Variants in SLC6A6 observed in about 807,000 individuals in gnomAD.
The protein encoded by SLC6A6 is sodium- and chloride-dependent taurine transporter.
In SLC6A6, 16 loss-of-function variants were observed where a neutral mutation model predicts 68.8. The ratio of observed to expected loss-of-function variants is 0.23; its 90% CI spans 0.16 to 0.35. The LOEUF is 0.35. SLC6A6 is among the 10% of genes least tolerant of loss of function. The pLI is 1.00. For missense variants in SLC6A6, 474 were observed against 802.8 expected (o/e 0.59, Z 4.95); for synonymous variants, 312 against 315.4 (o/e 0.99, Z 0.12).
In SLC6A6 at chr3:14,409,596, G is replaced by A. The variant is rs577727649; in HGVS notation, c.-54+6749G>A. Among the ~76,000 whole-genome samples the A allele has an allele frequency of 3.3e-5, 5 of 152,320 alleles. No homozygotes were observed. In the South Asian group the frequency reaches 8.3e-4, roughly 25 times the overall value. ...GAGTGCCTACTGTGTGCCAGGCACA[G>A]GGCCAGGGCCAAGAGGGCAGGGAGG... On this transcript the variant is annotated intron_variant, in intron 1 of 14. Transcript: ENST00000622186.
chr3:14,457,050 A>G (rs1430054041), intron 5 of SLC6A6, among the ~76,000 whole-genome samples: 1 of 152,216 alleles, frequency 6.6e-6, no homozygotes, highest in Non-Finnish European at 1.5e-5. Context: ...AGTACCCTGC[A>G]TCGCCCTGGC....
rs1005600919 is a variant in SLC6A6, at chr3:14,440,116, G to T, written c.-11-3508G>T. ...GAGTGTGTGCCACATCTTGTTCTAA[G>T]CACCTCCTGTGCACCCCCCCTCATT... On this transcript the variant is annotated intron_variant, in intron 2 of 14. Coordinates refer to ENST00000622186, the MANE Select transcript of SLC6A6 (RefSeq NM_003043.6). 1.2e-4 allele frequency among the ~76,000 whole-genome samples: 18 copies of T among 152,226 alleles called. 1 individual carries two copies. Among genetic ancestry groups the T allele is most frequent in the Middle Eastern group, 3.4e-3 (1 of 294 alleles).
intron 5 of SLC6A6, among the ~76,000 whole-genome samples, chr3:14,456,332 T>C (rs1700366909): frequency 6.6e-6 from 1 of 152,202 alleles, no homozygotes; most frequent in South Asian, 2.1e-4. Context: ...TGGCTGTTAG[T>C]GGGAGTATTT....
intron 2 of SLC6A6, among the ~76,000 whole-genome samples, chr3:14,423,264 A>C (rs1005663768): frequency 3.3e-5 from 5 of 152,178 alleles, no homozygotes; most frequent in Non-Finnish European, 2.9e-5. Flanking sequence ...TGTCCAGGGG[A>C]GGGAGCCCTG....
At chr3:14,412,799 G>C (rs1174308874) in intron 1 of SLC6A6, among the ~76,000 whole-genome samples, 1 of 152,234 alleles carries the variant, frequency 6.6e-6, no homozygotes, top group Non-Finnish European at 1.5e-5. Context: ...CAGATCCTGT[G>C]CTTCGTCAAC....
intron 13 of SLC6A6, among the ~76,000 whole-genome samples, chr3:14,479,802 G>A (rs1700967139): frequency 6.6e-6 from 1 of 152,212 alleles, no homozygotes; most frequent in Non-Finnish European, 1.5e-5. Flanking sequence ...CATGCAGTCT[G>A]CTTCATGGTC....
chr3:14,405,835 G>A (rs1250164573), intron 1 of SLC6A6, among the ~76,000 whole-genome samples: 2 of 152,212 alleles, frequency 1.3e-5, no homozygotes, highest in African/African-American at 4.8e-5. Context: ...AAGGTAGAGT[G>A]TTGGCTTTCT....
At chr3:14,427,753 G>C (rs1309837652) in intron 2 of SLC6A6, among the ~76,000 whole-genome samples, 1 of 152,182 alleles carries the variant, frequency 6.6e-6, no homozygotes, top group Admixed American at 6.5e-5. Context: ...GAGAGAAGCT[G>C]CCTGGCCACC....
At chr3:14,474,590 C>T (rs1700830610) in intron 10 of SLC6A6, among the ~76,000 whole-genome samples, 1 of 152,218 alleles carries the variant, frequency 6.6e-6, no homozygotes, top group African/African-American at 2.4e-5. Context: ...CCTTAAGCTG[C>T]AGTGTTGCAA....
intron 1 of SLC6A6, among the ~76,000 whole-genome samples, chr3:14,411,949 G>C (rs529699605): frequency 6.6e-6 from 1 of 152,306 alleles, no homozygotes; most frequent in South Asian, 2.1e-4. Flanking sequence ...AAAATCAAAG[G>C]CCCTGCATCA....
At chr3:14,445,033 G>A (rs936566768) in intron 3 of SLC6A6, among the ~76,000 whole-genome samples, 3 of 141,422 alleles carry the variant, frequency 2.1e-5, no homozygotes, top group African/African-American at 8.5e-5. Context: ...CCCCAACAAA[G>A]AGGCGACGTG....
Position 14,438,258 on chromosome 3 carries a change from A to G in SLC6A6, c.-11-5366A>G, listed in dbSNP as rs181451602. ...AGCTACTATTTATTGATCAATTGGT[A>G]TGTGCTGGGCTGTGTGCTGAATAAC... On this transcript the variant is annotated intron_variant, in intron 2 of 14. Coordinates refer to ENST00000622186, the MANE Select transcript of SLC6A6 (RefSeq NM_003043.6). 2.3e-4 allele frequency among the ~76,000 whole-genome samples: 35 copies of G among 151,618 alleles called. No individual in the cohort carries two copies. The East Asian group carries it at 6.6e-3, about 29-fold the overall frequency.
intron 5 of SLC6A6, among the ~76,000 whole-genome samples, chr3:14,448,376 G>A (rs1452631599): frequency 6.6e-6 from 1 of 152,118 alleles, no homozygotes; most frequent in Non-Finnish European, 1.5e-5. Context: ...AGTTCTTCTG[G>A]TCTTGGTCTC....
intron 10 of SLC6A6, among the ~76,000 whole-genome samples, chr3:14,476,703 G>A (rs1700886021): frequency 6.6e-6 from 1 of 152,220 alleles, no homozygotes; most frequent in Non-Finnish European, 1.5e-5. Flanking sequence ...CATTTTCTGA[G>A]CAGCCAATGT....
In SLC6A6 at chr3:14,479,141, T is replaced by A. The variant is rs1700950772; in HGVS notation, c.1507T>A (p.Trp503Arg). 6.2e-7 allele frequency: 1 copy of A among 1,613,370 alleles called. No homozygotes were observed. The highest frequency in any genetic ancestry group is 8.5e-7 in the Non-Finnish European group (1 of 1,179,396). The change falls in exon 13 of 15, where the codon TGG (tryptophan) becomes AGG (arginine). Residue 503 changes from tryptophan to arginine, a missense_variant. Coordinates refer to ENST00000622186, the MANE Select transcript of SLC6A6 (RefSeq NM_003043.6). ...EDMIGYRPGPWMKYSWAVITP... is the reference protein window; with the variant it reads ...EDMIGYRPGPRMKYSWAVITP... Reference sequence around the variant, plus strand: ...CATGATTGGCTATCGGCCCGGGCCCTGGATGAAGTACAGCTGGGCTGTGAT... The same window carrying A: ...CATGATTGGCTATCGGCCCGGGCCCAGGATGAAGTACAGCTGGGCTGTGAT...
At chr3:14,445,293 C>T (rs1039832495) in intron 3 of SLC6A6, among the ~76,000 whole-genome samples, 13 of 151,792 alleles carry the variant, frequency 8.6e-5, no homozygotes, top group African/African-American at 1.7e-4. Context: ...TGGTGGCGGG[C>T]GCCTGTAGTC....
At position 14,457,052 on chromosome 3, in the gene SLC6A6, C is replaced by T. The variant is rs114496749; in HGVS notation, c.600-898C>T. ...GGCCTGGGCTGTCAGTACCCTGCAT[C>T]GCCCTGGCCTGCTTTCAGATGCTGT... is the stretch of plus-strand genomic sequence containing the variant. On this transcript the variant is annotated intron_variant, in intron 5 of 14. Transcript: ENST00000622186. Among the ~76,000 whole-genome samples, 1,244 of 152,332 alleles carry T rather than the reference C, an allele frequency of 8.2e-3. 19 individuals carry two copies. Among genetic ancestry groups the T allele is most frequent in the African/African-American group, 0.028 (1,175 of 41,558 alleles).
At chr3:14,476,979 C>T (rs531243867) in intron 10 of SLC6A6, among the ~76,000 whole-genome samples, 2 of 152,320 alleles carry the variant, frequency 1.3e-5, no homozygotes, top group East Asian at 1.9e-4. Context: ...TGTGGACCAC[C>T]GAATGTTGCG....
chr3:14,463,821 G>C, intron 6 of SLC6A6, among the ~76,000 whole-genome samples: 1 of 152,230 alleles, frequency 6.6e-6, no homozygotes. Context: ...AAGGACGCCC[G>C]GGGGCAGAGG....
Sources: gnomAD v4.1 joint callset for allele counts (sites outside exome capture counted in the v4.1 genomes callset) on GRCh38, gnomAD v4.1.1 for gene constraint, MANE v1.5 for transcripts, NCBI Gene and HGNC (gene_info 2026-07-23, HGNC 2026-07-21) for gene names.